CTCFL: variants seen among roughly 807,000 people sequenced by gnomAD.
The protein encoded by CTCFL is transcriptional repressor CTCFL.
CTCFL carries 36 observed loss-of-function variants against 67.4 expected under a neutral mutation model. The ratio of observed to expected loss-of-function variants is 0.53; its 90% CI spans 0.41 to 0.71. CTCFL has a LOEUF of 0.71. CTCFL is among the 30% of genes least tolerant of loss of function. The pLI is 0.00. For missense variants in CTCFL, 786 were observed against 835.2 expected (o/e 0.94, Z 0.73); for synonymous variants, 324 against 302.3 (o/e 1.07, Z -0.75).
intron 5 of CTCFL, among the ~76,000 whole-genome samples, chr20:57,516,355 T>C (rs989170408): frequency 3.3e-5 from 5 of 151,996 alleles, no homozygotes; most frequent in African/African-American, 4.8e-5. Context: ...CTGGGCAACA[T>C]AGCAAAACCC....
At chr20:57,517,137 A>G (rs1283135472) in intron 5 of CTCFL, among the ~76,000 whole-genome samples, 1 of 152,254 alleles carries the variant, frequency 6.6e-6, no homozygotes, top group African/African-American at 2.4e-5. Context: ...CAAGTATATT[A>G]GAAAGCAAAA....
At chr20:57,502,977 C>G (rs1478924099) in intron 10 of CTCFL, among the ~76,000 whole-genome samples, 2 of 152,198 alleles carry the variant, frequency 1.3e-5, no homozygotes, top group Non-Finnish European at 2.9e-5. Context: ...TGGCCACAAA[C>G]TGAGGAATGG....
At chr20:57,502,500 T>C (rs746152266) in intron 10 of CTCFL, among the ~76,000 whole-genome samples, 12 of 152,196 alleles carry the variant, frequency 7.9e-5, no homozygotes, top group Non-Finnish European at 1.6e-4. Context: ...GACCGTCATC[T>C]GTGGGAACAT....
rs768080306 is a variant in CTCFL at position 57,524,042 on chromosome 20, G to A, written c.164C>T (p.Ala55Val). Residue 55 changes from alanine (A) to valine (V), a missense_variant, in exon 2 of 11, where the codon GCC becomes GTC. Physicochemically the swap from Ala to Val is moderately conservative, Grantham distance 64. Coordinates refer to ENST00000243914, the MANE Select transcript of CTCFL (RefSeq NM_001386993.1). ...SELEAERTSG[A>V]FQDSVLEEEV... ...TTCCTCCAGGACGCTGTCCTGGAAGGCCCCAGAGGTACGCTCGGCCTCCAA... is the reference window on the plus strand; with the variant it reads ...TTCCTCCAGGACGCTGTCCTGGAAGACCCCAGAGGTACGCTCGGCCTCCAA... 19 of 1,613,432 alleles carry A rather than the reference G, an allele frequency of 1.2e-5. No individual in the cohort carries two copies. In the South Asian group the frequency reaches 2.1e-4, roughly 18 times the overall value.
At chr20:57,515,153 C>CT (rs1033246860) in intron 6 of CTCFL, 31 of 165,580 alleles carry the variant, frequency 1.9e-4, no homozygotes, top group South Asian at 6.8e-4. Flanking sequence ...TTTACTTTTT[C>CT]TTTTTTTTTG....
chr20:57,503,411 A>G (rs2068017876), intron 10 of CTCFL, 25 bp downstream of exon 10: 1 of 1,613,544 alleles, frequency 6.2e-7, no homozygotes, highest in Non-Finnish European at 8.5e-7. Context: ...GAGGCGGTAA[A>G]AACAAATCTG....
Position 57,524,076 on chromosome 20 carries a change from G to A in CTCFL, c.130C>T (p.Pro44Ser), listed in dbSNP as rs757444531. ...GTACGCTCGGCCTCCAACTCACTAG[G>A]GCTCCGATGGTCTTTCTCTCTGCAC... The part of the protein sequence containing the change: ...GVCREKDHRS[P>S]SELEAERTSG... Residue 44 changes from proline (P) to serine (S), a missense_variant, in exon 2 of 11, where the codon CCT (proline) becomes TCT (serine). By Grantham distance (74) the Pro-to-Ser change is moderately conservative. Coordinates refer to ENST00000243914, the MANE Select transcript of CTCFL (RefSeq NM_001386993.1). 2.4e-5 allele frequency: 39 copies of A among 1,613,520 alleles called. No individual in the cohort carries two copies. In the Admixed American group the frequency reaches 6.3e-4, roughly 26 times the overall value.
At position 57,523,872 on chromosome 20, in the gene CTCFL, C is replaced by T; in HGVS notation, c.334G>A (p.Val112Met). The T allele has an allele frequency of 6.2e-7, 1 of 1,613,200 alleles. No individual in the cohort carries two copies. The highest frequency in any genetic ancestry group is 8.5e-7 in the Non-Finnish European group (1 of 1,180,038). Residue 112 changes from valine (V) to methionine (M), a missense_variant, in exon 2 of 11, where the codon GTG becomes ATG. Val to Met is a conservative substitution (Grantham distance 21, BLOSUM62 1). Coordinates refer to ENST00000243914, the MANE Select transcript of CTCFL (RefSeq NM_001386993.1). ...AGCAACCCAGGGCCAGGCTGTTGCA[C>T]CACCACCTGCACCCCTTCTTGCTGC... Reference protein sequence around the residue: ...IQQQEGVQVVVQQPGPGLLWL... With the variant: ...IQQQEGVQVVMQQPGPGLLWL...
chr20:57,523,630 A>T (rs1273678615), intron 2 of CTCFL, 33 bp downstream of exon 2: 3 of 1,573,326 alleles, frequency 1.9e-6, no homozygotes, highest in Admixed American at 1.9e-5. Context: ...TTTCTTTTTC[A>T]TGTAAGGGGT....
At chr20:57,509,051 G>A (rs1469197633) in intron 8 of CTCFL, among the ~76,000 whole-genome samples, 1 of 152,166 alleles carries the variant, frequency 6.6e-6, no homozygotes, top group Admixed American at 6.5e-5. Context: ...TGGGATGTGG[G>A]AGTACACACC....
At chr20:57,500,932 G>A (rs1568848290) in intron 10 of CTCFL, among the ~76,000 whole-genome samples, 1 of 152,204 alleles carries the variant, frequency 6.6e-6, no homozygotes, top group South Asian at 2.1e-4. Context: ...TCCTTTAGGT[G>A]CGGAATCAGC....
rs559281951 is a variant in CTCFL at position 57,520,263 on chromosome 20, T to C, written c.755-886A>G. Among the ~76,000 whole-genome samples, 3 of 152,254 alleles carry C rather than the reference T, an allele frequency of 2.0e-5. No homozygotes were observed. In the South Asian group the frequency reaches 6.2e-4, roughly 32 times the overall value. On this transcript the variant is annotated intron_variant, in intron 3 of 10. Transcript: ENST00000243914. ...CACTTTCACCCCAGGCTTCAAGGGA[T>C]TCCCACAGATAACAGTAAAAAGAAC...
At chr20:57,514,193 G>A (rs1228152916) in intron 7 of CTCFL, among the ~76,000 whole-genome samples, 1 of 152,188 alleles carries the variant, frequency 6.6e-6, no homozygotes, top group Non-Finnish European at 1.5e-5. Context: ...GGGTGCCATA[G>A]ATAGAGCACT....
rs1294596204 is a variant in CTCFL at position 57,503,614 on chromosome 20, T to G, written c.1675-13A>C. 1 of 1,613,790 alleles carries G rather than the reference T, an allele frequency of 6.2e-7. No homozygotes were observed. Among genetic ancestry groups the G allele is most frequent in the Non-Finnish European group, 8.5e-7 (1 of 1,179,880 alleles). The stretch of plus-strand genomic sequence containing the variant: ...TGTGCAGGTTAATCTGTCGGAGAAT[T>G]GACACAGAACACACAAGGCGAGTGA... On this transcript the variant is annotated splice_polypyrimidine_tract_variant and intron_variant, in intron 9 of 10. Coordinates refer to ENST00000243914, the MANE Select transcript of CTCFL (RefSeq NM_001386993.1).
At chr20:57,522,022 G>A (rs1470509207) in intron 3 of CTCFL, among the ~76,000 whole-genome samples, 1 of 152,186 alleles carries the variant, frequency 6.6e-6, no homozygotes, top group Non-Finnish European at 1.5e-5. Context: ...CTACAAATTT[G>A]AATATATCAA....
At chr20:57,512,777 T>C (rs1304259340) in intron 7 of CTCFL, 25 bp from the exon 8 acceptor site, 2 of 1,610,716 alleles carry the variant, frequency 1.2e-6, no homozygotes, top group Non-Finnish European at 1.7e-6. Context: ...GAACATTATA[T>C]ACTTCAAGAG....
downstream of CTCFL, among the ~76,000 whole-genome samples, chr20:57,496,680 A>G (rs1413353809): frequency 2.0e-5 from 3 of 152,214 alleles, no homozygotes; most frequent in East Asian, 3.8e-4. Flanking sequence ...GATACCTCCT[A>G]TAAGTAAGAT....
At chr20:57,507,243 G>A (rs1317017724) in intron 9 of CTCFL, 4 of 258,418 alleles carry the variant, frequency 1.5e-5, no homozygotes, top group Non-Finnish European at 2.9e-5. Flanking sequence ...CCAGGCTGGA[G>A]GCCAGTGGCA....
intron 8 of CTCFL, among the ~76,000 whole-genome samples, chr20:57,509,033 T>G (rs979907879): frequency 7.2e-5 from 11 of 152,192 alleles, no homozygotes; most frequent in Admixed American, 4.6e-4. Context: ...CTGGCTCTCC[T>G]GTCCTGTTGG....
Sources: allele counts gnomAD v4.1 joint callset (sites outside exome capture counted in the v4.1 genomes callset), GRCh38; gene constraint gnomAD v4.1.1; transcripts MANE v1.5; gene names NCBI Gene and HGNC (gene_info 2026-07-23, HGNC 2026-07-21).